The following TRAPPC9 variants were observed in gnomAD, a reference collection of about 807,000 sequenced individuals.
TRAPPC9 encodes trafficking protein particle complex subunit 9.
Under a neutral mutation model 124.0 loss-of-function variants are expected in TRAPPC9, and 83 were observed. The observed-to-expected ratio is 0.67, with a 90% CI of 0.56 to 0.80. The LOEUF (loss-of-function observed/expected upper bound fraction) is 0.80, where lower values mean the gene tolerates loss of function less well. TRAPPC9 is among the 30% of genes least tolerant of loss of function. The pLI is 0.00. For missense variants in TRAPPC9, 1,302 were observed against 1,508.3 expected (o/e 0.86, Z 2.27); for synonymous variants, 638 against 617.5 (o/e 1.03, Z -0.49).
rs1842715536 is a variant in TRAPPC9 at position 140,063,015 on chromosome 8, G to A, written c.2557-38936C>T. Reference sequence around the variant, plus strand: ...TTACAATCGTGGCAGAAGGTAAAGGGGAAGCAAGGGACCTTCTTCAGAAGG... The same window carrying A: ...TTACAATCGTGGCAGAAGGTAAAGGAGAAGCAAGGGACCTTCTTCAGAAGG... On this transcript the variant is annotated intron_variant, in intron 17 of 22. Coordinates refer to ENST00000438773, the MANE Select transcript of TRAPPC9 (RefSeq NM_001160372.4). The surrounding 1 kb of genome is among the most constrained non-coding windows in gnomAD (Gnocchi z 4.3). 6.6e-6 allele frequency among the ~76,000 whole-genome samples: 1 copy of A among 152,064 alleles called. No individual in the cohort carries two copies. The highest frequency in any genetic ancestry group is 1.5e-5 in the Non-Finnish European group (1 of 68,008).
At chr8:140,204,454 C>T (rs2062872103) in intron 17 of TRAPPC9, among the ~76,000 whole-genome samples, 2 of 130,192 alleles carry the variant, frequency 1.5e-5, no homozygotes, top group South Asian at 4.9e-4. Flanking sequence ...TGGGGAACAT[C>T]ACACACCGGG....
intron 21 of TRAPPC9, among the ~76,000 whole-genome samples, chr8:139,884,602 T>A (rs557113163): frequency 6.6e-6 from 1 of 152,176 alleles, no homozygotes; most frequent in East Asian, 1.9e-4. Flanking sequence ...GGGGCCCAGA[T>A]GTCTTTCCCG....
intron 7 of TRAPPC9, among the ~76,000 whole-genome samples, chr8:140,384,076 G>A (rs2068686922): frequency 6.6e-6 from 1 of 152,050 alleles, no homozygotes; most frequent in Admixed American, 6.6e-5. Flanking sequence ...CTTCATAAGT[G>A]AAGGAGAAAT....
Position 139,776,557 on chromosome 8 carries a change from C to A in TRAPPC9, c.3056-44355G>T, listed in dbSNP as rs748148957. Among the ~76,000 whole-genome samples, 8 of 152,202 alleles carry A rather than the reference C, an allele frequency of 5.3e-5. No homozygotes were observed. Among genetic ancestry groups the A allele is most frequent in the Non-Finnish European group, 1.2e-4 (8 of 68,046 alleles). On this transcript the variant is annotated intron_variant, in intron 21 of 22. Transcript: ENST00000438773. The surrounding 1 kb of genome is among the most constrained non-coding windows in gnomAD (Gnocchi z 4.1). The stretch of plus-strand genomic sequence containing the variant: ...TGCCTAATTAGGAAGGCACAGCTGA[C>A]CACCCAGGCCTCATTCGCAGCTGTG...
rs796658464 is a variant in TRAPPC9 at position 140,320,634 on chromosome 8, C to A, written c.1496-9260G>T. ...CAATCAGATAAGTCACTCTGCCTCT[C>A]CACATTTACCTAGCCAAACTCCCTT... On this transcript the variant is annotated intron_variant, in intron 9 of 22. Coordinates refer to ENST00000438773, the MANE Select transcript of TRAPPC9 (RefSeq NM_001160372.4). 2.0e-5 allele frequency among the ~76,000 whole-genome samples: 3 copies of A among 152,214 alleles called. No homozygotes were observed. In the East Asian group the frequency reaches 5.8e-4, roughly 29 times the overall value.
chr8:140,231,067 G>A (rs1369950140), intron 16 of TRAPPC9, among the ~76,000 whole-genome samples: 1 of 152,228 alleles, frequency 6.6e-6, no homozygotes, highest in Non-Finnish European at 1.5e-5. Flanking sequence ...TTTAAAGTCT[G>A]TATCCAAATA....
chr8:140,038,744 C>G (rs938949142), intron 17 of TRAPPC9, among the ~76,000 whole-genome samples: 1 of 152,192 alleles, frequency 6.6e-6, no homozygotes, highest in Non-Finnish European at 1.5e-5. Flanking sequence ...ACAGAGGTCT[C>G]GACAGGAAAC....
intron 21 of TRAPPC9, among the ~76,000 whole-genome samples, chr8:139,856,750 AC>A (rs1439123533): frequency 7.1e-6 from 1 of 141,478 alleles, no homozygotes; most frequent in Non-Finnish European, 1.6e-5. Context: ...AAAAAAAAAA[AC>A]CCAAGTGTTG....
At chr8:140,076,751 A>G (rs1173042325) in intron 17 of TRAPPC9, among the ~76,000 whole-genome samples, 1 of 152,252 alleles carries the variant, frequency 6.6e-6, no homozygotes, top group Non-Finnish European at 1.5e-5. Flanking sequence ...CCAAGCTGCT[A>G]TGAGTTCATC....
chr8:139,830,770 C>T (rs1825938748), intron 21 of TRAPPC9, among the ~76,000 whole-genome samples: 1 of 152,218 alleles, frequency 6.6e-6, no homozygotes, highest in African/African-American at 2.4e-5. Flanking sequence ...TGCCAAACAC[C>T]AGCCTCGGCT....
At chr8:140,061,516 C>T (rs1000920911) in intron 17 of TRAPPC9, among the ~76,000 whole-genome samples, 4 of 152,156 alleles carry the variant, frequency 2.6e-5, no homozygotes, top group African/African-American at 4.8e-5. Context: ...GAGCCATGTC[C>T]GCTCTGACAG....
At chr8:139,830,384 T>A (rs1825904828) in intron 21 of TRAPPC9, among the ~76,000 whole-genome samples, 1 of 151,358 alleles carries the variant, frequency 6.6e-6, no homozygotes, top group Non-Finnish European at 1.5e-5. Context: ...TACACACACA[T>A]GCATACACAT....
intron 4 of TRAPPC9, among the ~76,000 whole-genome samples, chr8:140,430,008 G>A (rs184254449): frequency 5.3e-5 from 8 of 149,752 alleles, no homozygotes; most frequent in South Asian, 2.1e-4. Context: ...TTAGCTGGGC[G>A]AGGTGGCAGG....
chr8:139,836,126 A>G (rs533685401), intron 21 of TRAPPC9, among the ~76,000 whole-genome samples: 1 of 152,208 alleles, frequency 6.6e-6, no homozygotes, highest in East Asian at 1.9e-4. Flanking sequence ...CTCCCTCCTC[A>G]GCCTCCTGAG....
At chr8:140,280,439 T>G (rs1191894129) in intron 14 of TRAPPC9, among the ~76,000 whole-genome samples, 1 of 152,110 alleles carries the variant, frequency 6.6e-6, no homozygotes, top group East Asian at 1.9e-4. Flanking sequence ...GTTTTGTTTT[T>G]ATTTTGAGAC....
intron 5 of TRAPPC9, among the ~76,000 whole-genome samples, chr8:140,423,609 C>CACACAT (rs761963429): frequency 6.8e-6 from 1 of 147,042 alleles, no homozygotes; most frequent in Non-Finnish European, 1.5e-5. Flanking sequence ...CACACACACA[C>CACACAT]ATCACATATA....
chr8:139,773,104 C>T (rs547609883), intron 21 of TRAPPC9, among the ~76,000 whole-genome samples: 15 of 152,334 alleles, frequency 9.8e-5, no homozygotes, highest in Admixed American at 1.3e-4. Context: ...GGTCCCGTGG[C>T]AGGACCACGC....
chr8:140,164,911 C>T (rs1341228732), intron 17 of TRAPPC9, among the ~76,000 whole-genome samples: 1 of 152,238 alleles, frequency 6.6e-6, no homozygotes, highest in Non-Finnish European at 1.5e-5. Context: ...CCAGCAGCAG[C>T]CCCTGCCTCT....
Position 140,457,654 on chromosome 8 carries a change from G to A in TRAPPC9, c.-26C>T, listed in dbSNP as rs1029303203. 2.8e-4 allele frequency: 275 copies of A among 986,244 alleles called. No homozygotes were observed. Among genetic ancestry groups the A allele is most frequent in the Middle Eastern group, 1.6e-3 (3 of 1,914 alleles). 61.1% of individuals were successfully genotyped at this position (986,244 alleles called of 1,614,324 possible). On this transcript the variant is annotated 5_prime_UTR_variant, in exon 1 of 23. Transcript: ENST00000438773. ...TTGCACTTACACAGCCGGTGGCCCC[G>A]GGCCCGGAGCGGGAGCCCACGACCT... is the stretch of plus-strand genomic sequence containing the variant.
Sources: gnomAD v4.1 joint callset for allele counts (sites outside exome capture counted in the v4.1 genomes callset) on GRCh38, gnomAD v4.1.1 for gene constraint, Gnocchi (gnomAD v3.1) non-coding constraint, MANE v1.5 for transcripts, NCBI Gene and HGNC (gene_info 2026-07-23, HGNC 2026-07-21) for gene names.